MYO7A: variants seen among roughly 807,000 people sequenced by gnomAD.
MYO7A encodes unconventional myosin-VIIa.
MYO7A carries 210 observed loss-of-function variants against 263.8 expected under a neutral mutation model. The observed-to-expected ratio is 0.80, with a 90% confidence interval of 0.71 to 0.89. The LOEUF is 0.89. Among genes scored for constraint, MYO7A ranks in the 40% least tolerant of loss-of-function variants. The probability of loss-of-function intolerance (pLI) is 0.00; values close to 1 mark genes in which losing one functional copy is unlikely to be tolerated. For synonymous variants in MYO7A, 1,239 were observed against 1,197.3 expected (o/e 1.03, Z -0.72); for missense variants, 2,820 against 2,968.3 (o/e 0.95, Z 1.16).
intron 14 of MYO7A, 43 bp downstream of exon 14, chr11:77,163,031 C>G (rs1555070359): frequency 1.2e-6 from 2 of 1,602,322 alleles, no homozygotes; most frequent in East Asian, 4.5e-5. Context: ...TGCCCGTGGC[C>G]CTGCCTTCCC....
In MYO7A at chr11:77,173,518, T is replaced by C. The variant is rs114205413; in HGVS notation, c.1935+633T>C. On this transcript the variant is annotated intron_variant, in intron 16 of 48. Transcript: ENST00000409709. ...AGAAAGGGACTGTGCTGGTCCCAGG[T>C]TAGAGATGCGGGACTGGGGGCTCAG... is the stretch of plus-strand genomic sequence containing the variant. 7.0e-3 allele frequency among the ~76,000 whole-genome samples: 1,073 copies of C among 152,234 alleles called. 9 individuals are homozygous for C. The highest frequency in any genetic ancestry group is 0.025 in the African/African-American group (1,021 of 41,536).
At chr11:77,163,099 T>G in intron 14 of MYO7A, 111 bp downstream of exon 14, 1 of 1,153,574 alleles carries the variant, frequency 8.7e-7, no homozygotes, top group Admixed American at 2.6e-5. Context: ...AAATTGTGAT[T>G]ATTCATATAT....
At position 77,202,343 on chromosome 11, in the gene MYO7A, G is replaced by A. The variant is rs368862510; in HGVS notation, c.5087G>A (p.Arg1696Gln). ...CCCGATCAGAGGCAGGACGTTGTCCGGCTCTTGCAGCTGCGAACGGCGGAG... is the reference window on the plus strand; with the variant it reads ...CCCGATCAGAGGCAGGACGTTGTCCAGCTCTTGCAGCTGCGAACGGCGGAG... ...MTPDQRQDVV[R>Q]LLQLRTAEPE... Residue 1696 changes from arginine (R) to glutamine (Q), a missense_variant, in exon 37 of 49, where the codon CGG becomes CAG. By Grantham distance (43) the Arg-to-Gln change is conservative (BLOSUM62 1). Transcript: ENST00000409709. 2.7e-5 allele frequency: 43 copies of A among 1,579,706 alleles called. No homozygotes were observed. In the African/African-American group the frequency reaches 4.2e-4, roughly 15 times the overall value.
chr11:77,213,987 C>T lies in MYO7A; in HGVS notation c.6558+8C>T, dbSNP rs757946588. 19 of 1,613,962 alleles carry T rather than the reference C, an allele frequency of 1.2e-5. No individual in the cohort carries two copies. Among genetic ancestry groups the T allele is most frequent in the South Asian group, 6.6e-5 (6 of 91,078 alleles). ...CTCTGCGAGACGTCACTGGTGAGGGCGCATCCTGCTGGGCCTAGTGGGCTC... is the reference window on the plus strand; with the variant it reads ...CTCTGCGAGACGTCACTGGTGAGGGTGCATCCTGCTGGGCCTAGTGGGCTC... On this transcript the variant is annotated splice_region_variant and intron_variant, in intron 48 of 48. Transcript: ENST00000409709.
chr11:77,151,776 A>G (rs913164341), intron 4 of MYO7A, among the ~76,000 whole-genome samples: 1 of 152,284 alleles, frequency 6.6e-6, no homozygotes, highest in South Asian at 2.1e-4. Flanking sequence ...CGATGGGCAC[A>G]GAAGCCCAGA....
intron 14 of MYO7A, among the ~76,000 whole-genome samples, chr11:77,165,293 AG>A: frequency 6.6e-6 from 1 of 152,252 alleles, no homozygotes; most frequent in South Asian, 2.1e-4. Context: ...TGGCATCTGC[AG>A]TCCTTGGACA....
intron 16 of MYO7A, among the ~76,000 whole-genome samples, chr11:77,173,676 G>A (rs1555078068): frequency 6.6e-6 from 1 of 152,170 alleles, no homozygotes. Context: ...GGGATCTGGG[G>A]AGGGAAGGAA....
intron 46 of MYO7A, 73 bp downstream of exon 46, chr11:77,212,010 G>T: frequency 7.9e-7 from 1 of 1,267,120 alleles, no homozygotes; most frequent in South Asian, 1.3e-5. Flanking sequence ...CTCCTCCCTA[G>T]GACTGTGGGA....
chr11:77,205,763 C>A, intron 40 of MYO7A, 146 bp downstream of exon 40: 2 of 1,141,152 alleles, frequency 1.8e-6, no homozygotes, highest in South Asian at 1.5e-5. Context: ...GACGGAGGTG[C>A]GGATCCTGCA....
Position 77,175,002 on chromosome 11 carries a change from C to T in MYO7A, c.2094+88C>T, listed in dbSNP as rs782368684. The T allele has an allele frequency of 3.3e-4, 494 of 1,518,316 alleles. No homozygotes were observed. The highest frequency in any genetic ancestry group is 7.3e-4 in the Middle Eastern group (4 of 5,508). 94.1% of individuals were successfully genotyped at this position (1,518,316 alleles called of 1,614,324 possible). On this transcript the variant is annotated intron_variant, in intron 17 of 48. Coordinates refer to ENST00000409709, the MANE Select transcript of MYO7A (RefSeq NM_000260.4). Reference sequence around the variant, plus strand: ...CCAATTTTCTTATCAGGACCATGGGCGGGGCTTGACATCTGCTTGACCTCT... The same window carrying T: ...CCAATTTTCTTATCAGGACCATGGGTGGGGCTTGACATCTGCTTGACCTCT...
chr11:77,193,614 T>G (rs1308603684), intron 31 of MYO7A, among the ~76,000 whole-genome samples: 3 of 151,970 alleles, frequency 2.0e-5, no homozygotes, highest in African/African-American at 7.3e-5. Context: ...TAAGCAAATA[T>G]TCAGGCGGAG....
chr11:77,197,374 G>T, intron 32 of MYO7A, 107 bp from the exon 33 acceptor site: 1 of 786,410 alleles, frequency 1.3e-6, no homozygotes, highest in Non-Finnish European at 2.1e-6. Context: ...TGCACAGGAG[G>T]TGCAGGAGCC....
chr11:77,131,522 C>A (rs1379742459), intron 2 of MYO7A, among the ~76,000 whole-genome samples: 1 of 152,216 alleles, frequency 6.6e-6, no homozygotes, highest in South Asian at 2.1e-4. Flanking sequence ...AGCCCCTTGG[C>A]CTGAGAGCCT....
intron 15 of MYO7A, among the ~76,000 whole-genome samples, chr11:77,167,870 G>C (rs113447008): frequency 6.6e-6 from 1 of 151,974 alleles, no homozygotes; most frequent in Non-Finnish European, 1.5e-5. Context: ...AGAACCTCCC[G>C]CCCCCACTCA....
chr11:77,156,481 G>T (rs1190636193), intron 5 of MYO7A, among the ~76,000 whole-genome samples, 179 bp from the exon 6 acceptor site: 2 of 152,218 alleles, frequency 1.3e-5, no homozygotes, highest in African/African-American at 4.8e-5. Flanking sequence ...CTGAACGAAG[G>T]TGAAGGAGAG....
intron 4 of MYO7A, among the ~76,000 whole-genome samples, chr11:77,150,816 AC>A (rs1951908159): frequency 1.3e-5 from 2 of 152,042 alleles, no homozygotes; most frequent in African/African-American, 4.8e-5. Flanking sequence ...GGTTTCCTTG[AC>A]TCGCTGAGTT....
intron 1 of MYO7A, among the ~76,000 whole-genome samples, chr11:77,128,707 G>C (rs1950678632): frequency 6.6e-6 from 1 of 152,206 alleles, no homozygotes; most frequent in African/African-American, 2.4e-5. Flanking sequence ...GAAGAGCCAA[G>C]GAGCATGTTG....
rs1565442521 is a variant in MYO7A at position 77,192,959 on chromosome 11, TTGGTGATGGTGGAGGTAGTTGTGA to T, written c.4152+687_4152+710del. Among the ~76,000 whole-genome samples the T allele has an allele frequency of 2.4e-3, 126 of 51,754 alleles. 2 individuals carry two copies. Among genetic ancestry groups the T allele is most frequent in the African/African-American group, 0.01 (120 of 11,486 alleles). The allele number at this position is 51,754 out of a possible 152,430, so 34.0% of individuals were successfully genotyped here. ...TGTGATGGTGGAGGTAGTGATGGTGTTGGTGATGGTGGAGGTAGTTGTGATGGTGGAGGTAGTGATGCTGTTGGT... is the reference window on the plus strand; with the variant it reads ...TGTGATGGTGGAGGTAGTGATGGTGTTGGTGGAGGTAGTGATGCTGTTGGT... On this transcript the variant is annotated intron_variant, in intron 31 of 48. Transcript: ENST00000409709.
At chr11:77,212,182 T>C (rs1414720850) in intron 46 of MYO7A, 1 of 624,158 alleles carries the variant, frequency 1.6e-6, no homozygotes, top group Middle Eastern at 2.5e-4. Flanking sequence ...GCTGGGGTAA[T>C]GGAGGATGGC....
Sources: allele counts gnomAD v4.1 joint callset (sites outside exome capture counted in the v4.1 genomes callset), GRCh38; gene constraint gnomAD v4.1.1; transcripts MANE v1.5; gene names NCBI Gene and HGNC (gene_info 2026-07-23, HGNC 2026-07-21).